MTSS1: variants seen among roughly 807,000 people sequenced by gnomAD.
The protein encoded by MTSS1 is MTSS I-BAR domain containing 1.
MTSS1 carries 18 observed loss-of-function variants against 79.0 expected under a neutral mutation model. The ratio of observed to expected loss-of-function variants is 0.23; its 90% confidence interval spans 0.16 to 0.34. MTSS1 has a LOEUF of 0.34. MTSS1 is among the 10% of genes least tolerant of loss of function. MTSS1 has a pLI of 1.00. For missense variants in MTSS1, 815 were observed against 986.2 expected, an observed-to-expected ratio of 0.83 and a Z score of 2.33; for synonymous variants, 341 against 368.6, an observed-to-expected ratio of 0.93 and a Z score of 0.86.
At chr8:124,563,113 G>T in intron 9 of MTSS1, 121 bp from the exon 10 acceptor site, 2 of 814,442 alleles carry the variant, frequency 2.5e-6, no homozygotes, top group Non-Finnish European at 3.9e-6. Flanking sequence ...ACAACATAAT[G>T]CAATTAGCTC....
intron 8 of MTSS1, chr8:124,566,204 GAAATTTT>G (rs1826389541): frequency 6.5e-6 from 1 of 154,402 alleles, no homozygotes; most frequent in African/African-American, 2.4e-5. Flanking sequence ...ACCAGCACTA[GAAATTTT>G]AAAGCCTGAC....
In MTSS1 at chr8:124,553,715, CAT is replaced by C. The variant is rs758642726; in HGVS notation, c.1568-25_1568-24del. 6.3e-7 allele frequency: 1 copy of C among 1,577,510 alleles called. No individual in the cohort carries two copies. ...AAACTGATTATAGGATTTGATTAGACATATTCAAGACAGCAGCTGTGCTTTTT... is the reference window on the plus strand; with the variant it reads ...AAACTGATTATAGGATTTGATTAGACATTCAAGACAGCAGCTGTGCTTTTT... On this transcript the variant is annotated intron_variant, in intron 13 of 13. Transcript: ENST00000518547. This position sits in a 1 kb window ranked among gnomAD's most constrained non-coding sequence, Gnocchi z 6.0.
At chr8:124,706,637 C>T (rs1385472383) in intron 1 of MTSS1, among the ~76,000 whole-genome samples, 1 of 152,226 alleles carries the variant, frequency 6.6e-6, no homozygotes, top group Non-Finnish European at 1.5e-5. Context: ...GGCAGAGGCC[C>T]TTTGGCAGCT....
At chr8:124,609,550 T>C (rs1346371109) in intron 3 of MTSS1, among the ~76,000 whole-genome samples, 1 of 152,110 alleles carries the variant, frequency 6.6e-6, no homozygotes, top group African/African-American at 2.4e-5. Context: ...GGATTAGAAG[T>C]GGTTCAGAGG....
At chr8:124,661,036 C>G (rs1300730072) in intron 3 of MTSS1, among the ~76,000 whole-genome samples, 3 of 152,220 alleles carry the variant, frequency 2.0e-5, no homozygotes, top group Non-Finnish European at 4.4e-5. Context: ...GAAAATGGAA[C>G]ATTCAGTGAA....
chr8:124,657,874 C>A (rs991750859), intron 3 of MTSS1, among the ~76,000 whole-genome samples: 1 of 152,126 alleles, frequency 6.6e-6, no homozygotes, highest in Non-Finnish European at 1.5e-5. Context: ...GTGTCCTCCC[C>A]CAAAATTCTC....
Position 124,583,057 on chromosome 8 carries a change from C to A in MTSS1, c.460+2030G>T, listed in dbSNP as rs566239649. On this transcript the variant is annotated intron_variant, in intron 6 of 13. Coordinates refer to ENST00000518547, the MANE Select transcript of MTSS1 (RefSeq NM_014751.6). Reference sequence around the variant, plus strand: ...AATAAAAATTATTTTCTGGTGGTATCTTGAAGTAACTAGAAATTCTCTAGA... The same window carrying A: ...AATAAAAATTATTTTCTGGTGGTATATTGAAGTAACTAGAAATTCTCTAGA... Among the ~76,000 whole-genome samples, 16 of 152,304 alleles carry A rather than the reference C, an allele frequency of 1.1e-4. No homozygotes were observed. The South Asian group carries it at 3.3e-3, about 32-fold the overall frequency.
chr8:124,658,093 T>C (rs1160723734), intron 3 of MTSS1, among the ~76,000 whole-genome samples: 1 of 152,172 alleles, frequency 6.6e-6, no homozygotes, highest in Non-Finnish European at 1.5e-5. Context: ...AGGAGCCAAA[T>C]GAAACAGTGT....
intron 3 of MTSS1, among the ~76,000 whole-genome samples, chr8:124,596,311 T>C (rs1301175366): frequency 6.6e-6 from 1 of 152,244 alleles, no homozygotes; most frequent in Non-Finnish European, 1.5e-5. Context: ...GAAATCTAAG[T>C]TGGTCACTTG....
chr8:124,555,595 C>T lies in MTSS1; in HGVS notation c.1567+147G>A, dbSNP rs1270031118. 10 of 1,070,214 alleles carry T rather than the reference C, an allele frequency of 9.3e-6. No individual in the cohort carries two copies. The African/African-American group carries it at 1.4e-4, about 15-fold the overall frequency. 66.3% of individuals were successfully genotyped at this position (1,070,214 alleles called of 1,614,324 possible). A position where few individuals can be genotyped will look rare whatever the true frequency, so the allele number is the denominator to read the frequency against. ...CTACCTGACAACTACAGATGAGCTC[C>T]CCAAAGCATTCCCAGATGACGAAAA... On this transcript the variant is annotated intron_variant, in intron 13 of 13. Coordinates refer to ENST00000518547, the MANE Select transcript of MTSS1 (RefSeq NM_014751.6).
intron 1 of MTSS1, among the ~76,000 whole-genome samples, chr8:124,724,084 A>C (rs987578412): frequency 4.6e-5 from 7 of 152,146 alleles, no homozygotes; most frequent in African/African-American, 1.4e-4. Flanking sequence ...TGCCCTCCAT[A>C]AACAGCAAGG....
At chr8:124,583,148 G>A (rs1489682378) in intron 6 of MTSS1, among the ~76,000 whole-genome samples, 2 of 152,220 alleles carry the variant, frequency 1.3e-5, no homozygotes, top group East Asian at 3.8e-4. Flanking sequence ...AAGACACGGT[G>A]CCAGAGACTG....
rs1830176772 is a variant in MTSS1 at position 124,582,269 on chromosome 8, GA to G, written c.460+2817del. ...TAAAACCTACCAAAGGCAAACCATT[GA>G]AAGTTTCTTGAAGGAAATATTTAAA... On this transcript the variant is annotated intron_variant, in intron 6 of 13. Transcript: ENST00000518547. The surrounding 1 kb of genome is among the most constrained non-coding windows in gnomAD (Gnocchi z 4.8). Among the ~76,000 whole-genome samples the G allele has an allele frequency of 6.6e-6, 1 of 152,178 alleles. No individual in the cohort carries two copies. The highest frequency in any genetic ancestry group is 1.5e-5 in the Non-Finnish European group (1 of 68,028).
At chr8:124,640,928 A>G (rs938931271) in intron 3 of MTSS1, among the ~76,000 whole-genome samples, 4 of 152,150 alleles carry the variant, frequency 2.6e-5, no homozygotes, top group African/African-American at 7.2e-5. Flanking sequence ...GAATTTCTTT[A>G]TAAGTTGTTT....
intron 3 of MTSS1, among the ~76,000 whole-genome samples, chr8:124,595,947 G>A (rs1832682918): frequency 6.6e-6 from 1 of 152,144 alleles, no homozygotes; most frequent in South Asian, 2.1e-4. Flanking sequence ...GAGGCCTCTG[G>A]GGAATGTTTT....
At chr8:124,572,790 T>G in intron 6 of MTSS1, among the ~76,000 whole-genome samples, 1 of 143,834 alleles carries the variant, frequency 7.0e-6, no homozygotes, top group Admixed American at 7.0e-5. Flanking sequence ...TTGCCCAGGC[T>G]GGATGGAGTG....
chr8:124,571,250 A>AG (rs1169264547), intron 6 of MTSS1, among the ~76,000 whole-genome samples: 1 of 152,224 alleles, frequency 6.6e-6, no homozygotes, highest in East Asian at 1.9e-4. Context: ...CGGCTTACAG[A>AG]GGGAAGGCTG....
In MTSS1 at chr8:124,550,952, G is replaced by A. The variant is rs1448561588; in HGVS notation, c.*2040C>T. On this transcript the variant is annotated 3_prime_UTR_variant, in exon 14 of 14. Coordinates refer to ENST00000518547, the MANE Select transcript of MTSS1 (RefSeq NM_014751.6). ...AGCAACTAAAGCACAATAATTTACT[G>A]TTAGAAACGATTTCTTTCTTTTTAG... The A allele has an allele frequency of 1.3e-5, 2 of 152,602 alleles. No individual in the cohort carries two copies. The highest frequency in any genetic ancestry group is 2.9e-5 in the Non-Finnish European group (2 of 68,036). The allele number at this position is 152,602 out of a possible 1,614,324, so 9.5% of individuals were successfully genotyped here. A position where few individuals can be genotyped will look rare whatever the true frequency, so the allele number is the denominator to read the frequency against.
chr8:124,639,605 A>G (rs1428477238), intron 3 of MTSS1, among the ~76,000 whole-genome samples: 1 of 152,020 alleles, frequency 6.6e-6, no homozygotes, highest in East Asian at 1.9e-4. Flanking sequence ...CTGGGATTAC[A>G]GGCTGTGCCA....
Sources: allele counts gnomAD v4.1 joint callset (sites outside exome capture counted in the v4.1 genomes callset), GRCh38; gene constraint gnomAD v4.1.1; non-coding constraint Gnocchi (gnomAD v3.1); transcripts MANE v1.5; gene names NCBI Gene and HGNC (gene_info 2026-07-23, HGNC 2026-07-21).